PAK5: variants seen among roughly 807,000 people sequenced by gnomAD.
PAK5 encodes serine/threonine-protein kinase PAK 5.
PAK5 carries 16 observed loss-of-function variants against 65.9 expected under a neutral mutation model. The ratio of observed to expected loss-of-function variants is 0.24; its 90% CI spans 0.16 to 0.37. The LOEUF (loss-of-function observed/expected upper bound fraction) is 0.37, where lower values mean the gene tolerates loss of function less well. Ranked by LOEUF, PAK5 falls within the 10% of genes least tolerant of loss-of-function variation. PAK5 has a pLI of 1.00. For synonymous variants in PAK5, 371 were observed against 354.9 expected (o/e 1.05, Z -0.51); for missense variants, 785 against 903.9 (o/e 0.87, Z 1.69).
At chr20:9,558,272 C>T (rs1447328329) in intron 6 of PAK5, among the ~76,000 whole-genome samples, 3 of 151,792 alleles carry the variant, frequency 2.0e-5, no homozygotes, top group Non-Finnish European at 4.4e-5. Context: ...TCATTATGCC[C>T]GGCTAATTTT....
intron 4 of PAK5, among the ~76,000 whole-genome samples, chr20:9,575,259 A>G (rs575942596): frequency 6.6e-6 from 1 of 152,158 alleles, no homozygotes; most frequent in South Asian, 2.1e-4. Context: ...TAGTAGTGTA[A>G]TTATAACTCA....
At chr20:9,818,620 T>C (rs2049385129) in intron 1 of PAK5, 1 of 152,178 alleles carries the variant, frequency 6.6e-6, no homozygotes, top group Non-Finnish European at 1.5e-5. Flanking sequence ...GACCGTAATA[T>C]TCCTAAAGCA....
chr20:9,586,092 C>A (rs956355611), intron 3 of PAK5, among the ~76,000 whole-genome samples: 8 of 152,136 alleles, frequency 5.3e-5, no homozygotes, highest in African/African-American at 1.9e-4. Flanking sequence ...ATTGTGAATA[C>A]AGAAGAAAGG....
rs573943376 is a variant in PAK5, at chr20:9,764,584, G to A, written c.-161-53149C>T. Among the ~76,000 whole-genome samples, 147 of 152,226 alleles carry A rather than the reference G, an allele frequency of 9.7e-4. No homozygotes were observed. In the Middle Eastern group the frequency reaches 0.014, roughly 14 times the overall value. On this transcript the variant is annotated intron_variant, in intron 1 of 9. Transcript: ENST00000353224. Reference sequence around the variant, plus strand: ...TCTTACCTACATCAATTATTACTACGGTGATGGTAAAATAAGCATTATGGC... The same window carrying A: ...TCTTACCTACATCAATTATTACTACAGTGATGGTAAAATAAGCATTATGGC...
chr20:9,542,525 A>G, intron 9 of PAK5, 61 bp downstream of exon 9: 2 of 1,564,770 alleles, frequency 1.3e-6, no homozygotes, highest in Middle Eastern at 1.7e-4. Context: ...CTTAAAAACC[A>G]GAGAGATACA....
At chr20:9,557,842 G>T in intron 6 of PAK5, 108 bp from the exon 7 acceptor site, 1 of 734,838 alleles carries the variant, frequency 1.4e-6, no homozygotes, top group Non-Finnish European at 2.1e-6. Flanking sequence ...ACGTGCTCCA[G>T]CCCATATCTG....
intron 3 of PAK5, among the ~76,000 whole-genome samples, chr20:9,593,263 C>T (rs2046204775): frequency 1.3e-5 from 2 of 151,748 alleles, no homozygotes; most frequent in African/African-American, 4.8e-5. Context: ...ATAATCATAC[C>T]ACTTTACTCC....
At chr20:9,623,564 A>C (rs1407056601) in intron 3 of PAK5, among the ~76,000 whole-genome samples, 1 of 152,220 alleles carries the variant, frequency 6.6e-6, no homozygotes, top group Non-Finnish European at 1.5e-5. Flanking sequence ...CATAAAACTA[A>C]ACAACTATAT....
chr20:9,624,204 A>C (rs111634146), intron 3 of PAK5, among the ~76,000 whole-genome samples: 1 of 152,226 alleles, frequency 6.6e-6, no homozygotes, highest in African/African-American at 2.4e-5. Context: ...AGTTTTTGCT[A>C]TAAAAATAAG....
At chr20:9,742,427 T>C (rs1269034788) in intron 1 of PAK5, among the ~76,000 whole-genome samples, 5 of 152,200 alleles carry the variant, frequency 3.3e-5, no homozygotes, top group Non-Finnish European at 5.9e-5. Flanking sequence ...AAGTGGGCTT[T>C]AATTGTTTTA....
At chr20:9,573,973 A>T (rs1239410751) in intron 4 of PAK5, among the ~76,000 whole-genome samples, 8 of 152,236 alleles carry the variant, frequency 5.3e-5, no homozygotes, top group African/African-American at 1.9e-4. Context: ...ATCAAATGCA[A>T]GATAAAAGTG....
intron 1 of PAK5, among the ~76,000 whole-genome samples, chr20:9,719,453 T>C (rs913354788): frequency 6.6e-6 from 1 of 152,186 alleles, no homozygotes; most frequent in African/African-American, 2.4e-5. Flanking sequence ...TCTGGCCTTT[T>C]TGAGACATTT....
intron 1 of PAK5, among the ~76,000 whole-genome samples, chr20:9,755,307 A>G (rs1325797798): frequency 6.6e-6 from 1 of 152,190 alleles, no homozygotes; most frequent in African/African-American, 2.4e-5. Context: ...TTGAACCTCA[A>G]AAGTCAAATA....
intron 2 of PAK5, among the ~76,000 whole-genome samples, chr20:9,682,626 G>A (rs187979138): frequency 1.7e-4 from 26 of 152,260 alleles, no homozygotes; most frequent in Admixed American, 9.8e-4. Context: ...ACAAACACTC[G>A]GGGACCCAAG....
chr20:9,605,518 C>T (rs912992732), intron 3 of PAK5, among the ~76,000 whole-genome samples: 1 of 152,176 alleles, frequency 6.6e-6, no homozygotes, highest in Non-Finnish European at 1.5e-5. Flanking sequence ...AAAAAACAGA[C>T]ATAATGATAT....
intron 3 of PAK5, among the ~76,000 whole-genome samples, chr20:9,586,565 A>C (rs1361325146): frequency 1.3e-5 from 2 of 152,190 alleles, no homozygotes; most frequent in African/African-American, 4.8e-5. Flanking sequence ...TACTAAGAAC[A>C]ACATAATGAA....
intron 1 of PAK5, among the ~76,000 whole-genome samples, chr20:9,730,188 TAAG>T (rs2048321847): frequency 6.6e-6 from 1 of 151,910 alleles, no homozygotes; most frequent in East Asian, 1.9e-4. Flanking sequence ...ATTAAATATA[TAAG>T]AAGTGTGTAT....
intron 7 of PAK5, among the ~76,000 whole-genome samples, chr20:9,549,070 G>C (rs190344121): frequency 6.6e-6 from 1 of 152,098 alleles, no homozygotes; most frequent in East Asian, 1.9e-4. Context: ...GTGATACGTG[G>C]TCCATAATCC....
At position 9,796,852 on chromosome 20, in the gene PAK5, T is replaced by G. The variant is rs550514454; in HGVS notation, c.-162+41910A>C. 3.3e-5 allele frequency among the ~76,000 whole-genome samples: 5 copies of G among 152,248 alleles called. No individual in the cohort carries two copies. The South Asian group carries it at 1.0e-3, about 32-fold the overall frequency. On this transcript the variant is annotated intron_variant, in intron 1 of 9. Coordinates refer to ENST00000353224, the MANE Select transcript of PAK5 (RefSeq NM_177990.4). Reference sequence around the variant, plus strand: ...AGACTGTTAGCAACTAGGTAGCACCTTTTTCTAAAATCAGAGAAGGAGCAT... The same window carrying G: ...AGACTGTTAGCAACTAGGTAGCACCGTTTTCTAAAATCAGAGAAGGAGCAT...
Sources: allele counts gnomAD v4.1 joint callset (sites outside exome capture counted in the v4.1 genomes callset), GRCh38; gene constraint gnomAD v4.1.1; transcripts MANE v1.5; gene names NCBI Gene and HGNC (gene_info 2026-07-23, HGNC 2026-07-21).